The following ANKRD62 variants were observed in gnomAD, a reference collection of about 807,000 sequenced individuals.
The protein encoded by ANKRD62 is ankyrin repeat domain 62.
ANKRD62 carries 61 observed loss-of-function variants against 98.8 expected under a neutral mutation model. That is an observed-to-expected ratio of 0.62 (90% CI 0.50 to 0.76). The LOEUF (loss-of-function observed/expected upper bound fraction) is 0.76. ANKRD62 is among the 30% of genes least tolerant of loss of function. ANKRD62 has a pLI of 0.00. For missense variants in ANKRD62, 933 were observed against 1,082.9 expected (o/e 0.86, Z 1.94); for synonymous variants, 341 against 367.9 (o/e 0.93, Z 0.84).
At position 12,122,333 on chromosome 18, in the gene ANKRD62, C is replaced by T. The variant is rs1175562569; in HGVS notation, c.1271C>T (p.Ala424Val). ...DFVSLSKSKN[A>V]TAACGRSIED... ...GTTAGCCTATCGAAAAGCAAGAATG[C>T]AACAGCTGCATGTGGAAGATCAATA... is the stretch of plus-strand genomic sequence containing the variant. The change falls in exon 11 of 14, where the codon GCA becomes GTA. Residue 424 changes from alanine (A) to valine (V), a missense_variant. Physicochemically the swap from Ala to Val is moderately conservative, Grantham distance 64. Around this residue, in one of 3 missense-constraint regions of ANKRD62, gnomAD observed 549 missense variants for 587.9 expected, o/e 0.93. Transcript: ENST00000587848. The T allele has an allele frequency of 8.5e-6, 13 of 1,534,966 alleles. No individual in the cohort carries two copies. The South Asian group carries it at 1.3e-4, about 15-fold the overall frequency.
the ANKRD62 span, among the ~76,000 whole-genome samples, chr18:12,159,020 G>A: frequency 6.6e-6 from 1 of 152,086 alleles, no homozygotes; most frequent in Admixed American, 6.5e-5. Flanking sequence ...AACCTGTGAT[G>A]GAAAAAGTTT....
chr18:12,153,607 AAAAG>A, the ANKRD62 span, among the ~76,000 whole-genome samples: 4 of 141,042 alleles, frequency 2.8e-5, no homozygotes, highest in South Asian at 2.2e-4. Context: ...AAAAAAAAAA[AAAAG>A]AAAGAAAGAA....
intron 12 of ANKRD62, 22 bp from the exon 13 acceptor site, chr18:12,125,438 G>C (rs1909866874): frequency 7.0e-7 from 1 of 1,432,348 alleles, no homozygotes; most frequent in Non-Finnish European, 9.1e-7. Context: ...TGCTAGTTGA[G>C]AGTTTTCTTT....
chr18:12,120,515 T>C (rs1909761698), intron 10 of ANKRD62, among the ~76,000 whole-genome samples: 1 of 152,250 alleles, frequency 6.6e-6, no homozygotes, highest in Non-Finnish European at 1.5e-5. Context: ...AGCCGATTTG[T>C]GTCTTTACAT....
At chr18:12,181,523 G>T in the ANKRD62 span, among the ~76,000 whole-genome samples, 2 of 151,942 alleles carry the variant, frequency 1.3e-5, no homozygotes, top group East Asian at 1.9e-4. Flanking sequence ...CACCATATTG[G>T]GTGTGAACCT....
In ANKRD62 at chr18:12,125,949, G is replaced by A. The variant is rs1175807785; in HGVS notation, c.2128G>A (p.Glu710Lys). 1.3e-6 allele frequency: 2 copies of A among 1,538,094 alleles called. No individual in the cohort carries two copies. Among genetic ancestry groups the A allele is most frequent in the South Asian group, 2.4e-5 (2 of 84,062 alleles). The change falls in exon 13 of 14, where the codon GAG becomes AAG. Residue 710 changes from glutamate to lysine, a missense_variant. By Grantham distance (56) the Glu-to-Lys change is moderately conservative. Around this residue, in one of 3 missense-constraint regions of ANKRD62, gnomAD observed 362 missense variants for 434.5 expected, o/e 0.83. Coordinates refer to ENST00000587848, the MANE Select transcript of ANKRD62 (RefSeq NM_001277333.2). ...QILSQQLSKAESTSSGLETEL... is the reference protein window; with the variant it reads ...QILSQQLSKAKSTSSGLETEL... ...TCTTTCTCAGCAACTTTCTAAAGCTGAGAGTACATCCAGTGGCCTGGAAAC... is the reference window on the plus strand; with the variant it reads ...TCTTTCTCAGCAACTTTCTAAAGCTAAGAGTACATCCAGTGGCCTGGAAAC...
the ANKRD62 span, among the ~76,000 whole-genome samples, chr18:12,167,001 G>C: frequency 0.011 from 1,664 of 151,526 alleles, 22 homozygotes; most frequent in Middle Eastern, 0.055. Flanking sequence ...GCAATAGTTT[G>C]CTCAGAATGA....
At chr18:12,152,991 C>G in the ANKRD62 span, among the ~76,000 whole-genome samples, 2 of 152,160 alleles carry the variant, frequency 1.3e-5, no homozygotes, top group Admixed American at 6.5e-5. Flanking sequence ...ACAAAAATAA[C>G]TAGCACTCTT....
At chr18:12,110,738 G>T (rs910658526) in intron 8 of ANKRD62, among the ~76,000 whole-genome samples, 4 of 152,082 alleles carry the variant, frequency 2.6e-5, no homozygotes, top group African/African-American at 9.7e-5. Context: ...TAATTTCTTA[G>T]ATCTCATTTT....
the ANKRD62 span, among the ~76,000 whole-genome samples, chr18:12,137,526 C>T: frequency 5.3e-5 from 8 of 152,176 alleles, no homozygotes; most frequent in Admixed American, 2.6e-4. Flanking sequence ...GGTTGTGTCT[C>T]TGCCAGGCTT....
At chr18:12,151,685 G>C in the ANKRD62 span, among the ~76,000 whole-genome samples, 2 of 152,106 alleles carry the variant, frequency 1.3e-5, no homozygotes, top group Non-Finnish European at 2.9e-5. Context: ...CAACCTCACA[G>C]CTCGCAGAAG....
chr18:12,137,452 C>G, the ANKRD62 span, among the ~76,000 whole-genome samples: 2 of 152,098 alleles, frequency 1.3e-5, no homozygotes, highest in African/African-American at 4.8e-5. Context: ...CGGTTTGCCA[C>G]TATTTTATTG....
At chr18:12,101,270 A>G (rs1909294494) in intron 6 of ANKRD62, among the ~76,000 whole-genome samples, 1 of 152,208 alleles carries the variant, frequency 6.6e-6, no homozygotes, top group Admixed American at 6.5e-5. Context: ...GGAAAATAGC[A>G]ATGTATTACT....
chr18:12,131,806 T>G (rs749811176), downstream of ANKRD62, among the ~76,000 whole-genome samples: 26 of 152,162 alleles, frequency 1.7e-4, no homozygotes, highest in Non-Finnish European at 3.8e-4. Context: ...TCTGTTCTAT[T>G]GATCTCTTTA....
Position 12,106,574 on chromosome 18 carries a change from T to C in ANKRD62, c.892-721T>C, listed in dbSNP as rs966905719. Among the ~76,000 whole-genome samples, 4 of 152,202 alleles carry C rather than the reference T, an allele frequency of 2.6e-5. No individual in the cohort carries two copies. The East Asian group carries it at 7.7e-4, about 29-fold the overall frequency. On this transcript the variant is annotated intron_variant, in intron 7 of 13. Transcript: ENST00000587848. ...AATGCCAGGGGATTTAGATGAATCA[T>C]TTAATCTTTTTTGATAATGGGGCCA... is the stretch of plus-strand genomic sequence containing the variant.
rs552494998 is a variant in ANKRD62, at chr18:12,096,206, C to T, written c.518C>T (p.Thr173Ile). Residue 173 changes from threonine (T) to isoleucine (I), a missense_variant, in exon 4 of 14, where the codon ACA becomes ATA. By Grantham distance (89) the Thr-to-Ile change is moderately conservative (BLOSUM62 -1). Transcript: ENST00000587848. ...DIEARSQDGH[T>I]SLLLAVNRKK... ...TTTGCTGTTTTGCAGGATGGACATA[C>T]ATCACTTTTACTCGCTGTAAATAGG... 4 of 1,531,234 alleles carry T rather than the reference C, an allele frequency of 2.6e-6. No individual in the cohort carries two copies. The South Asian group carries it at 3.7e-5, about 14-fold the overall frequency. 94.9% of individuals were successfully genotyped at this position (1,531,234 alleles called of 1,614,324 possible).
chr18:12,169,703 G>C, the ANKRD62 span, among the ~76,000 whole-genome samples: 5 of 152,170 alleles, frequency 3.3e-5, no homozygotes, highest in African/African-American at 1.2e-4. Flanking sequence ...GTTTCAGAAG[G>C]AAGGGTACCA....
chr18:12,164,913 C>T, the ANKRD62 span, among the ~76,000 whole-genome samples: 2 of 151,868 alleles, frequency 1.3e-5, no homozygotes, highest in African/African-American at 4.8e-5. Context: ...GTATTTAGGT[C>T]TATCTTTTTA....
At chr18:12,102,643 C>A (rs1909328815) in intron 6 of ANKRD62, 1 of 799,318 alleles carries the variant, frequency 1.3e-6, no homozygotes, top group Non-Finnish European at 1.6e-6. Flanking sequence ...GTTTACACAG[C>A]TGTTGAAAAA....
Sources: allele counts gnomAD v4.1 joint callset (sites outside exome capture counted in the v4.1 genomes callset), GRCh38; gene constraint gnomAD v4.1.1; regional missense constraint gnomAD v4.1.1; transcripts MANE v1.5; gene names NCBI Gene and HGNC (gene_info 2026-07-23, HGNC 2026-07-21).